Variants in HPSE2 observed in about 807,000 individuals in gnomAD.
The protein encoded by HPSE2 is inactive heparanase-2.
HPSE2 carries 38 observed loss-of-function variants against 60.5 expected under a neutral mutation model. That is an observed-to-expected ratio of 0.63 (90% CI 0.48 to 0.82). The LOEUF (loss-of-function observed/expected upper bound fraction) is 0.82. Among genes scored for constraint, HPSE2 ranks in the 40% least tolerant of loss-of-function variants. The pLI is 0.00. For synonymous variants in HPSE2, 295 were observed against 293.2 expected, an observed-to-expected ratio of 1.01 and a Z score of -0.06; for missense variants, 713 against 740.4, an observed-to-expected ratio of 0.96 and a Z score of 0.43.
intron 3 of HPSE2, among the ~76,000 whole-genome samples, chr10:99,021,491 G>T (rs143880169): frequency 1.3e-5 from 2 of 152,176 alleles, no homozygotes; most frequent in Non-Finnish European, 2.9e-5. Flanking sequence ...TTGCCTGCTT[G>T]ATGGTTTAGG....
At chr10:98,824,015 G>A (rs11189836) in intron 3 of HPSE2, among the ~76,000 whole-genome samples, 5,756 of 152,088 alleles carry the variant, frequency 0.038, 233 homozygotes, top group East Asian at 0.17. Flanking sequence ...CTCTACAGTC[G>A]AATTAAATGA....
intron 3 of HPSE2, among the ~76,000 whole-genome samples, chr10:98,970,973 A>G (rs1955937815): frequency 1.3e-5 from 2 of 152,334 alleles, no homozygotes; most frequent in South Asian, 4.1e-4. Flanking sequence ...TTAAATCTGC[A>G]TTTCAGAAAG....
intron 3 of HPSE2, among the ~76,000 whole-genome samples, chr10:99,119,063 G>GAGAGAAAGAAAGAA: frequency 7.8e-6 from 1 of 127,856 alleles, no homozygotes; most frequent in Non-Finnish European, 1.6e-5. Flanking sequence ...GAAAGAAAGA[G>GAGAGAAAGAAAGAA]AGAGAAAGAA....
the HPSE2 span, among the ~76,000 whole-genome samples, chr10:99,300,581 C>G: frequency 6.6e-6 from 1 of 152,198 alleles, no homozygotes; most frequent in African/African-American, 2.4e-5. Context: ...TTCTATCCCT[C>G]TCATGGGGAG....
chr10:99,098,487 C>A (rs943355151), intron 3 of HPSE2, among the ~76,000 whole-genome samples: 3 of 152,130 alleles, frequency 2.0e-5, no homozygotes, highest in Non-Finnish European at 4.4e-5. Flanking sequence ...TTGAATTTTA[C>A]AGAGCTTAAG....
chr10:98,837,565 G>T (rs1262758031), intron 3 of HPSE2, among the ~76,000 whole-genome samples: 1 of 152,116 alleles, frequency 6.6e-6, no homozygotes, highest in Non-Finnish European at 1.5e-5. Context: ...GAAGAAATGG[G>T]ATCTAAGAGG....
intron 9 of HPSE2, among the ~76,000 whole-genome samples, chr10:98,517,416 G>C (rs1942638452): frequency 3.9e-5 from 6 of 152,100 alleles, no homozygotes. Context: ...GTGGCAAATG[G>C]AAAACACTGG....
At chr10:98,825,725 G>A (rs1342250399) in intron 3 of HPSE2, among the ~76,000 whole-genome samples, 1 of 152,174 alleles carries the variant, frequency 6.6e-6, no homozygotes, top group East Asian at 1.9e-4. Flanking sequence ...ATGTGACACA[G>A]TTCTACCCAA....
chr10:98,503,220 G>A (rs7100541), intron 9 of HPSE2, among the ~76,000 whole-genome samples: 133,825 of 143,542 alleles, frequency 0.93, 62,577 homozygotes, highest in East Asian at 1. Flanking sequence ...CAGAAAAAAA[G>A]AAAAAGAAAA....
chr10:99,176,048 C>G (rs921438745), intron 2 of HPSE2, among the ~76,000 whole-genome samples: 1 of 152,172 alleles, frequency 6.6e-6, no homozygotes, highest in Non-Finnish European at 1.5e-5. Context: ...AGAAGGAAAA[C>G]TAACAAACAG....
chr10:99,243,743 C>G, the HPSE2 span, among the ~76,000 whole-genome samples: 1 of 152,058 alleles, frequency 6.6e-6, no homozygotes, highest in Non-Finnish European at 1.5e-5. Flanking sequence ...TGAGACCAGC[C>G]TGGCCAACAA....
chr10:98,720,792 A>G (rs1443960580), intron 5 of HPSE2, among the ~76,000 whole-genome samples: 1 of 152,210 alleles, frequency 6.6e-6, no homozygotes, highest in Admixed American at 6.5e-5. Context: ...ATTGCTATTA[A>G]GAATGACAAT....
intron 3 of HPSE2, among the ~76,000 whole-genome samples, chr10:98,888,135 A>ACACACACAC (rs1953221901): frequency 7.1e-6 from 1 of 140,710 alleles, no homozygotes; most frequent in African/African-American, 2.6e-5. Flanking sequence ...TTTTAAAACA[A>ACACACACAC]ACACACACAC....
chr10:99,243,672 C>A, the HPSE2 span, among the ~76,000 whole-genome samples: 85 of 152,122 alleles, frequency 5.6e-4, no homozygotes, highest in Non-Finnish European at 9.0e-4. Flanking sequence ...AAATATTAAT[C>A]TCCCTGTAAT....
intron 2 of HPSE2, among the ~76,000 whole-genome samples, chr10:99,215,872 T>C (rs7074995): frequency 0.87 from 131,686 of 152,234 alleles, 57,216 homozygotes; most frequent in African/African-American, 0.93. Context: ...GAATGGTAAA[T>C]TTTAAATGGT....
At chr10:99,313,898 T>C in the HPSE2 span, among the ~76,000 whole-genome samples, 42 of 152,136 alleles carry the variant, frequency 2.8e-4, no homozygotes, top group African/African-American at 9.6e-4. Context: ...CGCGCCCAGC[T>C]GATTGACTCC....
chr10:99,014,917 A>C (rs931400165), intron 3 of HPSE2, among the ~76,000 whole-genome samples: 22 of 152,154 alleles, frequency 1.4e-4, no homozygotes, highest in African/African-American at 5.1e-4. Flanking sequence ...TTTGCAATCT[A>C]CTCATCTGAC....
In HPSE2 at chr10:98,914,234, A is replaced by AT. The variant is rs892370332; in HGVS notation, c.611-170179dup. On this transcript the variant is annotated intron_variant, in intron 3 of 11. Coordinates refer to ENST00000370552, the MANE Select transcript of HPSE2 (RefSeq NM_021828.5). The stretch of plus-strand genomic sequence containing the variant: ...GGGGAGTTTCCCTGCACAAGCTCTC[A>AT]TTTTTTTTGCCTGCCACCATCCACG... Among the ~76,000 whole-genome samples, 10 of 151,400 alleles carry AT rather than the reference A, an allele frequency of 6.6e-5. 1 individual carries two copies. Among genetic ancestry groups the AT allele is most frequent in the Non-Finnish European group, 1.0e-4 (7 of 67,828 alleles).
chr10:98,717,332 T>C (rs1948816217), intron 5 of HPSE2, among the ~76,000 whole-genome samples: 1 of 152,162 alleles, frequency 6.6e-6, no homozygotes, highest in South Asian at 2.1e-4. Flanking sequence ...TTGTGTTCAC[T>C]AAAGTAGCAC....
Sources: allele counts gnomAD v4.1 joint callset (sites outside exome capture counted in the v4.1 genomes callset), GRCh38; gene constraint gnomAD v4.1.1; transcripts MANE v1.5; gene names NCBI Gene and HGNC (gene_info 2026-07-23, HGNC 2026-07-21).